SYNPO2: variants seen among roughly 807,000 people sequenced by gnomAD.
SYNPO2 encodes the protein synaptopodin 2.
In SYNPO2, 56 loss-of-function variants were observed where a neutral mutation model predicts 85.0. That is an observed-to-expected ratio of 0.66 (90% confidence interval 0.53 to 0.82). The LOEUF is 0.82. Among genes scored for constraint, SYNPO2 ranks in the 40% least tolerant of loss-of-function variants. The pLI is 0.00. For synonymous variants in SYNPO2, 602 were observed against 591.1 expected (o/e 1.02, Z -0.27); for missense variants, 1,575 against 1,534.2 (o/e 1.03, Z -0.44).
intron 1 of SYNPO2, among the ~76,000 whole-genome samples, chr4:118,868,097 G>C (rs1340855535): frequency 1.4e-5 from 2 of 143,030 alleles, no homozygotes; most frequent in Admixed American, 7.0e-5. Context: ...TGGAGTAAGA[G>C]ACAAAATCTT....
chr4:119,030,186 A>G lies in SYNPO2; in HGVS notation c.1411A>G (p.Ile471Val), dbSNP rs376367772. 7 of 1,614,140 alleles carry G rather than the reference A, an allele frequency of 4.3e-6. No homozygotes were observed. The South Asian group carries it at 4.4e-5, about 10-fold the overall frequency. ...NFDWDSGLVD[I>V]EKKLNRGDKM... ...TGACTGGGATTCTGGACTGGTGGAC[A>G]TTGAAAAGAAACTGAACAGAGGGGA... The change falls in exon 4 of 5, where the codon ATT becomes GTT. Residue 471 changes from isoleucine to valine, a missense_variant. Ile to Val is a conservative substitution (Grantham distance 29, BLOSUM62 3). Coordinates refer to ENST00000307142, the MANE Select transcript of SYNPO2 (RefSeq NM_133477.3).
intron 4 of SYNPO2, chr4:119,036,689 A>G: frequency 1.0e-6 from 1 of 985,650 alleles, no homozygotes; most frequent in African/African-American, 1.7e-5. Context: ...AAGCCCTTGA[A>G]TCAGAATTAT....
intron 1 of SYNPO2, among the ~76,000 whole-genome samples, chr4:118,989,546 G>A (rs755045399): frequency 6.6e-6 from 1 of 152,178 alleles, no homozygotes; most frequent in South Asian, 2.1e-4. Flanking sequence ...ACAGAGTCAC[G>A]GACTCGTTTT....
Position 119,030,781 on chromosome 4 carries a change from C to A in SYNPO2, c.2006C>A (p.Ser669Tyr), listed in dbSNP as rs1738205679. The change falls in exon 4 of 5, where the codon TCC (serine) becomes TAC (tyrosine). Residue 669 changes from serine to tyrosine, a missense_variant. Ser to Tyr is a moderately radical substitution (Grantham distance 144). Around this residue, in one of 3 missense-constraint regions of SYNPO2, gnomAD observed 1,508 missense variants for 1,446.8 expected, o/e 1.04. Transcript: ENST00000307142. ...TACGATTCGTCTGAGCGAATAGCTT[C>A]CCGAGATGAGAGGATCTCAGTGCCA... is the stretch of plus-strand genomic sequence containing the variant. ...AFYDSSERIASRDERISVPAK... is the reference protein window; with the variant it reads ...AFYDSSERIAYRDERISVPAK... The A allele has an allele frequency of 6.2e-7, 1 of 1,613,970 alleles. No individual in the cohort carries two copies. Among genetic ancestry groups the A allele is most frequent in the African/African-American group, 1.3e-5 (1 of 74,878 alleles).
At chr4:118,948,419 C>T (rs747804165) in intron 1 of SYNPO2, among the ~76,000 whole-genome samples, 62 of 152,180 alleles carry the variant, frequency 4.1e-4, no homozygotes, top group Non-Finnish European at 4.7e-4. Context: ...TATCAATTTA[C>T]GTTACTTAAT....
chr4:118,988,116 G>A (rs1736285195), intron 1 of SYNPO2, among the ~76,000 whole-genome samples: 1 of 152,176 alleles, frequency 6.6e-6, no homozygotes, highest in South Asian at 2.1e-4. Flanking sequence ...GATTTCATGA[G>A]CAGGAAAGTT....
intron 1 of SYNPO2, among the ~76,000 whole-genome samples, chr4:119,001,211 A>C (rs1736813265): frequency 6.6e-6 from 1 of 152,254 alleles, no homozygotes; most frequent in African/African-American, 2.4e-5. Context: ...ACATAGTTAA[A>C]AGAAGAATGG....
intron 1 of SYNPO2, among the ~76,000 whole-genome samples, chr4:118,861,970 T>G (rs1429861007): frequency 6.6e-6 from 1 of 152,240 alleles, no homozygotes; most frequent in Non-Finnish European, 1.5e-5. Flanking sequence ...TTCCAATCCA[T>G]GAACATGGAA....
In SYNPO2 at chr4:119,030,323, A is replaced by G; in HGVS notation, c.1548A>G (p.Gly516=). ...TAQKEEDKVG[G]TPSREQDAAQ... ...AAAAAGAAGAGGACAAGGTAGGTGG[A>G]ACGCCAAGCAGAGAACAAGATGCTG... is the stretch of plus-strand genomic sequence containing the variant. The change falls in exon 4 of 5, where the codon GGA becomes GGG. Residue 516 remains glycine, a synonymous_variant. Transcript: ENST00000307142. 1 of 1,614,114 alleles carries G rather than the reference A, an allele frequency of 6.2e-7. No homozygotes were observed. The highest frequency in any genetic ancestry group is 8.5e-7 in the Non-Finnish European group (1 of 1,180,026).
rs376703168 is a variant in SYNPO2 at position 119,031,223 on chromosome 4, C to T, written c.2448C>T (p.Ala816=). The T allele has an allele frequency of 6.2e-7, 1 of 1,614,140 alleles. No individual in the cohort carries two copies. The highest frequency in any genetic ancestry group is 8.5e-7 in the Non-Finnish European group (1 of 1,180,038). ...IKIAQPSYPP[A]RPASTLNVAG... ...TAGCCCAGCCTTCTTACCCTCCTGCCCGGCCTGCAAGTACTTTGAACGTGG... is the reference window on the plus strand; with the variant it reads ...TAGCCCAGCCTTCTTACCCTCCTGCTCGGCCTGCAAGTACTTTGAACGTGG... Residue 816 remains alanine (A), a synonymous_variant, in exon 4 of 5, where the codon GCC becomes GCT. Transcript: ENST00000307142.
intron 1 of SYNPO2, among the ~76,000 whole-genome samples, chr4:118,895,774 C>T: frequency 6.6e-6 from 1 of 152,208 alleles, no homozygotes; most frequent in Non-Finnish European, 1.5e-5. Flanking sequence ...GTGACATACA[C>T]ATTATACCTA....
chr4:119,044,174 G>A (rs138305554), intron 4 of SYNPO2, among the ~76,000 whole-genome samples: 2 of 151,950 alleles, frequency 1.3e-5, no homozygotes, highest in Non-Finnish European at 2.9e-5. Flanking sequence ...AATGTAACTG[G>A]GATACTTCTG....
chr4:118,997,054 A>C (rs1266822261), intron 1 of SYNPO2, among the ~76,000 whole-genome samples: 4 of 150,894 alleles, frequency 2.7e-5, no homozygotes, highest in Admixed American at 2.6e-4. Flanking sequence ...TCCCGGCTAA[A>C]ACGGTGAAAC....
chr4:118,935,996 C>T (rs898607574), intron 1 of SYNPO2, among the ~76,000 whole-genome samples: 2 of 152,048 alleles, frequency 1.3e-5, no homozygotes, highest in Non-Finnish European at 1.5e-5. Context: ...GAAGGGGAAG[C>T]AGGAGAGGCA....
chr4:119,056,828 T>C (rs988491687), intron 4 of SYNPO2, among the ~76,000 whole-genome samples: 24 of 152,188 alleles, frequency 1.6e-4, no homozygotes, highest in Non-Finnish European at 2.9e-5. Context: ...ACCAGTAATG[T>C]TAACTACATC....
At chr4:119,023,851 C>T (rs964811673) in intron 2 of SYNPO2, among the ~76,000 whole-genome samples, 1 of 152,172 alleles carries the variant, frequency 6.6e-6, no homozygotes, top group South Asian at 2.1e-4. Flanking sequence ...CCTTAGAAAG[C>T]TCAGTATATT....
intron 1 of SYNPO2, among the ~76,000 whole-genome samples, chr4:118,875,831 G>C (rs891662412): frequency 6.6e-6 from 1 of 152,194 alleles, no homozygotes; most frequent in Non-Finnish European, 1.5e-5. Context: ...GGGTGAATTG[G>C]CACATGATAG....
intron 1 of SYNPO2, among the ~76,000 whole-genome samples, chr4:119,008,697 C>T (rs1737173455): frequency 6.6e-6 from 1 of 152,038 alleles, no homozygotes; most frequent in Non-Finnish European, 1.5e-5. Flanking sequence ...AAGAAATTAA[C>T]ATTTATTTCC....
chr4:118,926,408 TG>T (rs1297611105), intron 1 of SYNPO2, among the ~76,000 whole-genome samples: 2 of 152,156 alleles, frequency 1.3e-5, no homozygotes, highest in African/African-American at 4.8e-5. Context: ...TTATGACAGC[TG>T]GAGTGGGCTG....
Sources: gnomAD v4.1 joint callset for allele counts (sites outside exome capture counted in the v4.1 genomes callset) on GRCh38, gnomAD v4.1.1 for gene constraint, gnomAD v4.1.1 regional missense constraint, MANE v1.5 for transcripts, NCBI Gene and HGNC (gene_info 2026-07-23, HGNC 2026-07-21) for gene names.